Variants in DIP2C observed in about 807,000 individuals in gnomAD.
The protein encoded by DIP2C is DIP2 acetate--CoA ligase C (putative).
Under a neutral mutation model 192.4 loss-of-function variants are expected in DIP2C, and 33 were observed. That is an observed-to-expected ratio of 0.17 (90% CI 0.13 to 0.23). The LOEUF is 0.23. DIP2C is among the 10% of genes least tolerant of loss of function. The pLI, the probability that DIP2C is intolerant of heterozygous loss-of-function variation, is 1.00. For synonymous variants in DIP2C, 979 were observed against 864.1 expected (o/e 1.13, Z -2.33); for missense variants, 1,537 against 2,110.1 (o/e 0.73, Z 5.32).
At chr10:301,701 G>A (rs899317166) in intron 32 of DIP2C, among the ~76,000 whole-genome samples, 5 of 152,288 alleles carry the variant, frequency 3.3e-5, no homozygotes, top group Non-Finnish European at 7.4e-5. Context: ...CACCTTGGAG[G>A]GGCAGGACCC....
intron 1 of DIP2C, among the ~76,000 whole-genome samples, chr10:600,194 G>A (rs1183608367): frequency 6.6e-6 from 1 of 152,148 alleles, no homozygotes; most frequent in Non-Finnish European, 1.5e-5. Context: ...GTTACGACCG[G>A]CAGAGCCACC....
intron 3 of DIP2C, among the ~76,000 whole-genome samples, chr10:444,657 G>A (rs184197397): frequency 5.9e-5 from 9 of 152,232 alleles, no homozygotes; most frequent in Admixed American, 2.6e-4. Flanking sequence ...CCTGACACTC[G>A]TGTAGATTCT....
In DIP2C at chr10:650,413, G is replaced by C. The variant is rs1855794206; in HGVS notation, c.85+39081C>G. On this transcript the variant is annotated intron_variant, in intron 1 of 36. Coordinates refer to ENST00000280886, the MANE Select transcript of DIP2C (RefSeq NM_014974.3). The stretch of plus-strand genomic sequence containing the variant: ...CACACGCCCCAGACCAACACGAGAA[G>C]AACGCAGGCCGACAACATCTTCATC... The C allele has an allele frequency of 7.0e-6, 5 of 714,778 alleles. No homozygotes were observed. In the East Asian group the frequency reaches 1.3e-4, roughly 19 times the overall value. 44.3% of individuals were successfully genotyped at this position (714,778 alleles called of 1,614,324 possible).
At chr10:346,598 C>G (rs1399132346) in intron 26 of DIP2C, among the ~76,000 whole-genome samples, 2 of 145,916 alleles carry the variant, frequency 1.4e-5, no homozygotes, top group Non-Finnish European at 1.5e-5. Context: ...CTCACCCAAC[C>G]CAGACACACC....
chr10:399,887 T>C (rs1964282466), intron 9 of DIP2C, among the ~76,000 whole-genome samples: 2 of 152,228 alleles, frequency 1.3e-5, no homozygotes, highest in Non-Finnish European at 2.9e-5. Context: ...GCCCTGGCCC[T>C]GCAGCAGTCT....
chr10:645,138 A>G (rs1188313541), intron 1 of DIP2C, among the ~76,000 whole-genome samples: 1 of 152,228 alleles, frequency 6.6e-6, no homozygotes, highest in Non-Finnish European at 1.5e-5. Flanking sequence ...AACTGGCCTC[A>G]GACTTCTCCT....
intron 1 of DIP2C, among the ~76,000 whole-genome samples, chr10:684,142 C>G (rs1831230922): frequency 6.6e-6 from 1 of 152,240 alleles, no homozygotes; most frequent in Non-Finnish European, 1.5e-5. Flanking sequence ...TCAAATCAAA[C>G]TATTGTCATA....
intron 1 of DIP2C, among the ~76,000 whole-genome samples, chr10:626,302 A>G (rs1233667519): frequency 6.6e-6 from 1 of 152,096 alleles, no homozygotes; most frequent in African/African-American, 2.4e-5. Context: ...TACTGGGCCA[A>G]TCCCAGCTGC....
At chr10:367,872 G>C (rs1960465958) in intron 18 of DIP2C, among the ~76,000 whole-genome samples, 1 of 152,260 alleles carries the variant, frequency 6.6e-6, no homozygotes, top group Admixed American at 6.5e-5. Flanking sequence ...CACACACGGG[G>C]TGGGGGTGCA....
rs1956504750 is a variant in DIP2C, at chr10:310,057, C to A, written c.3960G>T (p.Val1320=). 1.9e-6 allele frequency: 3 copies of A among 1,614,030 alleles called. No individual in the cohort carries two copies. The highest frequency in any genetic ancestry group is 2.5e-6 in the Non-Finnish European group (3 of 1,180,032). Residue 1320 remains valine (V), a synonymous_variant, in exon 32 of 37, where the codon GTG becomes GTT. Coordinates refer to ENST00000280886, the MANE Select transcript of DIP2C (RefSeq NM_014974.3). ...TGTCGTGTCTCAGGGCTCTCATGTCCACGTAGACAGTGGTTGGGTCAGGTC... is the reference window on the plus strand; with the variant it reads ...TGTCGTGTCTCAGGGCTCTCATGTCAACGTAGACAGTGGTTGGGTCAGGTC... ...TSGPDPTTVY[V]DMRALRHDRV...
At chr10:670,212 A>G (rs991810002) in intron 1 of DIP2C, among the ~76,000 whole-genome samples, 11 of 152,184 alleles carry the variant, frequency 7.2e-5, no homozygotes, top group Admixed American at 5.9e-4. Context: ...ATGTATGCAC[A>G]CATACGCACA....
chr10:287,659 G>T (rs1196176487), intron 33 of DIP2C, among the ~76,000 whole-genome samples: 1 of 129,820 alleles, frequency 7.7e-6, no homozygotes, highest in East Asian at 2.4e-4. Flanking sequence ...TGACAACTGG[G>T]GCCGAAACGG....
intron 18 of DIP2C, among the ~76,000 whole-genome samples, chr10:367,696 C>CG (rs1193987966): frequency 1.3e-5 from 2 of 152,162 alleles, no homozygotes; most frequent in African/African-American, 2.4e-5. Flanking sequence ...ATTCACCAAA[C>CG]GGGGGGGCTC....
At chr10:653,294 C>T (rs536656486) in intron 1 of DIP2C, among the ~76,000 whole-genome samples, 174 of 151,978 alleles carry the variant, frequency 1.1e-3, no homozygotes, top group African/African-American at 3.4e-3. Flanking sequence ...ACTAAAAATA[C>T]AAAATTAGCT....
intron 2 of DIP2C, among the ~76,000 whole-genome samples, chr10:485,762 T>C (rs1276789163): frequency 1.3e-5 from 2 of 152,250 alleles, no homozygotes; most frequent in South Asian, 2.1e-4. Context: ...GCCTTTATGT[T>C]TGAGGAAGAA....
chr10:307,769 A>G (rs564327804), intron 32 of DIP2C, among the ~76,000 whole-genome samples: 1 of 152,256 alleles, frequency 6.6e-6, no homozygotes, highest in East Asian at 1.9e-4. Flanking sequence ...GCACGGGAGA[A>G]AGAGCGGCAC....
chr10:646,080 G>C (rs1422322836), intron 1 of DIP2C, among the ~76,000 whole-genome samples: 1 of 152,224 alleles, frequency 6.6e-6, no homozygotes, highest in Non-Finnish European at 1.5e-5. Flanking sequence ...GCAGGGGCAC[G>C]TTCCCAGGTG....
At chr10:674,771 A>AATATATATATATATATATATATAT (rs375454744) in intron 1 of DIP2C, among the ~76,000 whole-genome samples, 17 of 27,702 alleles carry the variant, frequency 6.1e-4, no homozygotes, top group African/African-American at 1.5e-3. Context: ...CTCCATCTCA[A>AATATATATATATATATATATATAT]ATATATATAT....
At chr10:573,208 C>T (rs1299610906) in intron 1 of DIP2C, among the ~76,000 whole-genome samples, 2 of 152,114 alleles carry the variant, frequency 1.3e-5, no homozygotes, top group African/African-American at 4.8e-5. Flanking sequence ...GAAAATCATG[C>T]CAAGTTTTAG....
Sources: allele counts gnomAD v4.1 joint callset (sites outside exome capture counted in the v4.1 genomes callset), GRCh38; gene constraint gnomAD v4.1.1; transcripts MANE v1.5; gene names NCBI Gene and HGNC (gene_info 2026-07-23, HGNC 2026-07-21).